Variants in MED13L observed in about 807,000 individuals in gnomAD.
The protein encoded by MED13L is mediator of RNA polymerase II transcription subunit 13-like.
MED13L carries 7 observed loss-of-function variants against 220.9 expected under a neutral mutation model. The observed-to-expected ratio is 0.03, with a 90% CI of 0.02 to 0.06. The LOEUF (loss-of-function observed/expected upper bound fraction) is 0.06, where lower values mean the gene tolerates loss of function less well. Ranked by LOEUF, MED13L falls within the 10% of genes least tolerant of loss-of-function variation. The pLI, the probability that MED13L is intolerant of heterozygous loss-of-function variation, is 1.00. For synonymous variants in MED13L, 1,011 were observed against 1,015.2 expected, an observed-to-expected ratio of 1.00 and a Z score of 0.08; for missense variants, 1,965 against 2,760.5, an observed-to-expected ratio of 0.71 and a Z score of 6.46.
chr12:116,251,669 G>C (rs1326493457), intron 1 of MED13L, among the ~76,000 whole-genome samples: 1 of 151,368 alleles, frequency 6.6e-6, no homozygotes, highest in East Asian at 2.0e-4. Context: ...GCTGAGGCAG[G>C]AGAATGGCGT....
chr12:116,250,944 G>T (rs1871496663), intron 1 of MED13L, among the ~76,000 whole-genome samples: 1 of 151,958 alleles, frequency 6.6e-6, no homozygotes, highest in African/African-American at 2.4e-5. Flanking sequence ...GAGAAAATGG[G>T]AGGTTTTTAC....
chr12:116,122,518 T>G (rs944781559), intron 2 of MED13L, among the ~76,000 whole-genome samples: 7 of 152,214 alleles, frequency 4.6e-5, no homozygotes, highest in African/African-American at 1.7e-4. Flanking sequence ...CAGTATCACT[T>G]AACAAATCTA....
intron 2 of MED13L, among the ~76,000 whole-genome samples, chr12:116,130,920 T>C (rs1200028568): frequency 6.6e-6 from 1 of 152,042 alleles, no homozygotes; most frequent in Non-Finnish European, 1.5e-5. Context: ...AAGGAACAAG[T>C]ATATCTTATG....
chr12:116,162,827 T>C (rs1878989062), intron 2 of MED13L, among the ~76,000 whole-genome samples: 1 of 152,226 alleles, frequency 6.6e-6, no homozygotes, highest in Admixed American at 6.5e-5. Flanking sequence ...TACTACGTCT[T>C]AACATTTTAA....
chr12:116,051,364 A>G (rs1592988586), intron 4 of MED13L, among the ~76,000 whole-genome samples: 1 of 152,314 alleles, frequency 6.6e-6, no homozygotes, highest in East Asian at 1.9e-4. Flanking sequence ...TAAACTAGAA[A>G]TACAGTTTTA....
chr12:116,046,980 G>A lies in MED13L; in HGVS notation c.480-24379C>T, dbSNP rs558980085. 1.6e-3 allele frequency among the ~76,000 whole-genome samples: 245 copies of A among 151,998 alleles called. 2 individuals are homozygous for A. The highest frequency in any genetic ancestry group is 5.2e-3 in the African/African-American group (216 of 41,454). ...AGAGTGAGACTCCCTCTCAAAAAAA[G>A]AAAAGAAAGAAAGAAAATGTCTTCA... On this transcript the variant is annotated intron_variant, in intron 4 of 30. Transcript: ENST00000281928.
At chr12:116,268,715 A>T (rs1306922022) in intron 1 of MED13L, among the ~76,000 whole-genome samples, 3 of 152,092 alleles carry the variant, frequency 2.0e-5, no homozygotes, top group African/African-American at 7.2e-5. Flanking sequence ...TATTCAGTTT[A>T]ATATCCTTTT....
intron 2 of MED13L, among the ~76,000 whole-genome samples, chr12:116,184,422 G>A (rs2138237251): frequency 6.6e-6 from 1 of 152,238 alleles, no homozygotes; most frequent in African/African-American, 2.4e-5. Context: ...GATGTGTTTA[G>A]CTAAGTGGCA....
At chr12:116,257,070 A>C (rs1156432545) in intron 1 of MED13L, among the ~76,000 whole-genome samples, 1 of 152,244 alleles carries the variant, frequency 6.6e-6, no homozygotes, top group African/African-American at 2.4e-5. Flanking sequence ...TTTCAAATAA[A>C]TTATTTTCAT....
intron 2 of MED13L, among the ~76,000 whole-genome samples, chr12:116,235,171 T>C (rs2138448584): frequency 6.6e-6 from 1 of 152,316 alleles, no homozygotes; most frequent in Admixed American, 6.5e-5. Context: ...TTTCTGTTAT[T>C]AGGTTGAACC....
At chr12:116,116,422 G>A (rs542092582) in intron 2 of MED13L, among the ~76,000 whole-genome samples, 10 of 152,194 alleles carry the variant, frequency 6.6e-5, no homozygotes, top group Admixed American at 4.6e-4. Flanking sequence ...GGAGGGTGGC[G>A]CACTCAGAGA....
intron 2 of MED13L, among the ~76,000 whole-genome samples, chr12:116,155,021 T>C (rs555449504): frequency 6.6e-6 from 1 of 152,080 alleles, no homozygotes; most frequent in East Asian, 1.9e-4. Flanking sequence ...GAGATGAGGT[T>C]TCACCATGTT....
At chr12:116,097,229 G>T (rs969706417) in intron 3 of MED13L, among the ~76,000 whole-genome samples, 2 of 151,622 alleles carry the variant, frequency 1.3e-5, no homozygotes, top group East Asian at 3.9e-4. Flanking sequence ...CACTGCAGCC[G>T]CCACCCCCCA....
intron 2 of MED13L, among the ~76,000 whole-genome samples, chr12:116,114,409 T>G (rs554896343): frequency 1.3e-5 from 2 of 152,220 alleles, no homozygotes; most frequent in Non-Finnish European, 2.9e-5. Flanking sequence ...AATTGCTGTA[T>G]AGCTGACACA....
chr12:116,157,881 A>G (rs1878566684), intron 2 of MED13L, among the ~76,000 whole-genome samples: 1 of 152,214 alleles, frequency 6.6e-6, no homozygotes, highest in African/African-American at 2.4e-5. Context: ...CATAAAGTCA[A>G]TGCGAGGCAA....
chr12:116,041,479 C>T lies in MED13L; in HGVS notation c.480-18878G>A, dbSNP rs559178976. ...AGATCTGTTCTACTACAGCTCTGTG[C>T]TAACTGGACCATGCCTGGAATGTTC... On this transcript the variant is annotated intron_variant, in intron 4 of 30. Coordinates refer to ENST00000281928, the MANE Select transcript of MED13L (RefSeq NM_015335.5). Among the ~76,000 whole-genome samples, 22 of 152,312 alleles carry T rather than the reference C, an allele frequency of 1.4e-4. No individual in the cohort carries two copies. In the South Asian group the frequency reaches 2.1e-3, roughly 14 times the overall value.
At chr12:116,180,363 A>G (rs1164777233) in intron 2 of MED13L, among the ~76,000 whole-genome samples, 1 of 152,242 alleles carries the variant, frequency 6.6e-6, no homozygotes. Flanking sequence ...GACAGGCTGC[A>G]GTAGTCAAAA....
chr12:116,080,573 A>G (rs1047172661), intron 4 of MED13L, among the ~76,000 whole-genome samples: 1 of 152,206 alleles, frequency 6.6e-6, no homozygotes, highest in Non-Finnish European at 1.5e-5. Context: ...TTGTCAGAGA[A>G]CATGCAAACT....
chr12:116,191,976 G>T (rs1459042299), intron 2 of MED13L, among the ~76,000 whole-genome samples: 1 of 152,078 alleles, frequency 6.6e-6, no homozygotes, highest in African/African-American at 2.4e-5. Flanking sequence ...TACCTAAAAT[G>T]GTATTAATTA....
Sources: gnomAD v4.1 joint callset for allele counts (sites outside exome capture counted in the v4.1 genomes callset) on GRCh38, gnomAD v4.1.1 for gene constraint, MANE v1.5 for transcripts, NCBI Gene and HGNC (gene_info 2026-07-23, HGNC 2026-07-21) for gene names.